AFF2: variants seen among roughly 807,000 people sequenced by gnomAD.
AFF2 encodes ALF transcription elongation factor 2.
A neutral mutation model predicts 76.9 loss-of-function variants in AFF2; 14 were observed. That is an observed-to-expected ratio of 0.18 (90% CI 0.12 to 0.28). The LOEUF is 0.28. Among genes scored for constraint, AFF2 ranks in the 10% least tolerant of loss-of-function variants. AFF2 has a pLI of 1.00. For missense variants in AFF2, 868 were observed against 1,001.1 expected, an observed-to-expected ratio of 0.87 and a Z score of 1.79; for synonymous variants, 398 against 366.7, an observed-to-expected ratio of 1.09 and a Z score of -0.98.
intron 1 of AFF2, among the ~76,000 whole-genome samples, chrX:148,548,908 C>T (rs1215812299): frequency 8.9e-6 from 1 of 112,509 alleles, no homozygotes; most frequent in Non-Finnish European, 1.9e-5. Context: ...TGGCTAGATA[C>T]ATCTTTAATC....
At chrX:148,979,204 G>A (rs2072363287) in intron 18 of AFF2, among the ~76,000 whole-genome samples, 1 of 111,840 alleles carries the variant, frequency 8.9e-6, no homozygotes, top group African/African-American at 3.3e-5. Flanking sequence ...TTCTTGCCAA[G>A]TGCGTGAGAC....
chrX:148,991,107 A>G, intron 20 of AFF2, 104 bp from the exon 21 acceptor site: 1 of 863,335 alleles, frequency 1.2e-6, no homozygotes, highest in East Asian at 3.4e-5. Context: ...TCACATTTCC[A>G]TTGTCCATGT....
In AFF2 at chrX:148,680,282, G is replaced by A. The variant is rs150316801; in HGVS notation, c.1041+17514G>A. On this transcript the variant is annotated intron_variant, in intron 3 of 20. Transcript: ENST00000370460. ...GCTGAATAAGTGAATACATCCCCTG[G>A]AGAGCTGAAGAGTTCATAGCATATC... Among the ~76,000 whole-genome samples the A allele has an allele frequency of 2.1e-3, 240 of 112,129 alleles. 2 individuals carry two copies. Among genetic ancestry groups the A allele is most frequent in the African/African-American group, 7.2e-3 (224 of 30,916 alleles).
intron 1 of AFF2, among the ~76,000 whole-genome samples, chrX:148,613,355 A>G (rs2053752635): frequency 9.0e-6 from 1 of 111,659 alleles, no homozygotes; most frequent in Non-Finnish European, 1.9e-5. Flanking sequence ...AAGAATATTA[A>G]ATGCATAACA....
chrX:148,830,993 C>T (rs2070447436), intron 4 of AFF2, among the ~76,000 whole-genome samples: 1 of 111,929 alleles, frequency 8.9e-6, no homozygotes, highest in Non-Finnish European at 1.9e-5. Flanking sequence ...CTTGGGAATG[C>T]ATTCTCCTTC....
chrX:148,693,651 G>A (rs368527754), intron 3 of AFF2, among the ~76,000 whole-genome samples: 31 of 111,400 alleles, frequency 2.8e-4, no homozygotes, highest in African/African-American at 8.5e-4. Flanking sequence ...TCTGGCTCTG[G>A]CCTCCTGGAC....
chrX:148,780,783 G>T (rs1268093852), intron 3 of AFF2, among the ~76,000 whole-genome samples: 1 of 111,713 alleles, frequency 9.0e-6, no homozygotes, highest in Admixed American at 9.5e-5. Flanking sequence ...GTCCAGTTTT[G>T]TTCCCTTGCT....
At chrX:148,761,564 G>A (rs1381392887) in intron 3 of AFF2, among the ~76,000 whole-genome samples, 1 of 107,873 alleles carries the variant, frequency 9.3e-6, no homozygotes, top group Non-Finnish European at 1.9e-5. Flanking sequence ...AACTCCCCAT[G>A]GCTGATTAGC....
chrX:148,944,234 G>A (rs782601653), intron 9 of AFF2, among the ~76,000 whole-genome samples: 1 of 111,998 alleles, frequency 8.9e-6, no homozygotes, highest in East Asian at 2.8e-4. Flanking sequence ...GGAACACAGT[G>A]GAGGAGATTC....
chrX:148,803,135 C>G (rs2070082136), intron 3 of AFF2, among the ~76,000 whole-genome samples: 1 of 110,749 alleles, frequency 9.0e-6, no homozygotes, highest in African/African-American at 3.3e-5. Flanking sequence ...TGGCTGCTTA[C>G]CTAGGAATTT....
In AFF2 at chrX:148,662,369, A is replaced by G. The variant is rs1557257893; in HGVS notation, c.642A>G (p.Pro214=). The G allele has an allele frequency of 2.5e-6, 3 of 1,211,861 alleles. No individual in the cohort carries two copies. The South Asian group carries it at 5.3e-5, about 21-fold the overall frequency. Residue 214 remains proline (P), a synonymous_variant, in exon 3 of 21, where the codon CCA becomes CCG. Transcript: ENST00000370460. ...TTGGAGAAGTTGAAGAGTCAAACCCATCTGCAAAGGAAGACAGTAACCCTA... is the reference window on the plus strand; with the variant it reads ...TTGGAGAAGTTGAAGAGTCAAACCCGTCTGCAAAGGAAGACAGTAACCCTA... ...PQIGEVEESN[P]SAKEDSNPNS... is the part of the protein sequence containing the mutation.
At chrX:148,981,816 C>T (rs782669491) in intron 19 of AFF2, among the ~76,000 whole-genome samples, 2 of 112,409 alleles carry the variant, frequency 1.8e-5, no homozygotes, top group Non-Finnish European at 3.8e-5. Context: ...ATCTAGAAAA[C>T]GTACTCCAAA....
chrX:148,525,133 A>G (rs954783677), intron 1 of AFF2, among the ~76,000 whole-genome samples: 1 of 112,026 alleles, frequency 8.9e-6, no homozygotes, highest in Non-Finnish European at 1.9e-5. Context: ...AAGAAAGTAC[A>G]TTCAAAATTT....
intron 1 of AFF2, among the ~76,000 whole-genome samples, chrX:148,651,136 G>A (rs2054198735): frequency 8.9e-6 from 1 of 112,129 alleles, no homozygotes; most frequent in Admixed American, 9.4e-5. Flanking sequence ...GAAAATAATT[G>A]TTTTCTTAAT....
chrX:148,521,117 G>A (rs187971627), intron 1 of AFF2, among the ~76,000 whole-genome samples: 2 of 111,248 alleles, frequency 1.8e-5, no homozygotes, highest in Non-Finnish European at 3.8e-5. Flanking sequence ...TTCTCACAGG[G>A]GTTTGGCTTG....
intron 9 of AFF2, among the ~76,000 whole-genome samples, chrX:148,924,797 A>C (rs1557283580): frequency 8.9e-6 from 1 of 111,904 alleles, no homozygotes; most frequent in African/African-American, 3.2e-5. Flanking sequence ...AGTTTCAACA[A>C]CCTTTGGGTA....
Position 148,992,149 on chromosome X carries a change from G to A in AFF2, c.*817G>A, listed in dbSNP as rs1557292408. On this transcript the variant is annotated 3_prime_UTR_variant, in exon 21 of 21. Coordinates refer to ENST00000370460, the MANE Select transcript of AFF2 (RefSeq NM_002025.4). ...CCTTTTGAAGAACAGTTTGGTTGATGCATGCCTTAGTAGCCAAAATGCTAC... is the reference window on the plus strand; with the variant it reads ...CCTTTTGAAGAACAGTTTGGTTGATACATGCCTTAGTAGCCAAAATGCTAC... 1 of 112,024 alleles carries A rather than the reference G, an allele frequency of 8.9e-6. No homozygotes were observed. Among genetic ancestry groups the A allele is most frequent in the Admixed American group, 9.4e-5 (1 of 10,598 alleles). 9.2% of individuals were successfully genotyped at this position (112,024 alleles called of 1,213,427 possible).
At chrX:148,938,344 A>C (rs1425833702) in intron 9 of AFF2, among the ~76,000 whole-genome samples, 1 of 112,294 alleles carries the variant, frequency 8.9e-6, no homozygotes, top group African/African-American at 3.2e-5. Flanking sequence ...CATTTTGCTA[A>C]GCAGCTTTTG....
intron 3 of AFF2, among the ~76,000 whole-genome samples, chrX:148,748,098 C>T (rs960161998): frequency 4.5e-5 from 5 of 111,703 alleles, no homozygotes; most frequent in African/African-American, 6.5e-5. Flanking sequence ...TTTTCAATGA[C>T]GGCTTTTAAT....
Sources: gnomAD v4.1 joint callset for allele counts (sites outside exome capture counted in the v4.1 genomes callset) on GRCh38, gnomAD v4.1.1 for gene constraint, MANE v1.5 for transcripts, NCBI Gene and HGNC (gene_info 2026-07-23, HGNC 2026-07-21) for gene names.